The following TMEM135 variants were observed in gnomAD, a reference collection of about 807,000 sequenced individuals.
The protein encoded by TMEM135 is peroxisomal membrane protein 52.
In TMEM135, 30 loss-of-function variants were observed where a neutral mutation model predicts 60.3. The observed-to-expected ratio is 0.50, with a 90% CI of 0.37 to 0.68. The LOEUF is 0.68. TMEM135 is among the 30% of genes least tolerant of loss of function. The pLI is 0.00. For missense variants in TMEM135, 468 were observed against 548.8 expected (o/e 0.85, Z 1.47); for synonymous variants, 190 against 186.7 (o/e 1.02, Z -0.14).
At chr11:87,149,966 C>T (rs1048587412) in intron 4 of TMEM135, among the ~76,000 whole-genome samples, 1 of 151,972 alleles carries the variant, frequency 6.6e-6, no homozygotes, top group African/African-American at 2.4e-5. Context: ...CCTGTAATCC[C>T]AGCACTTTGG....
chr11:87,188,060 T>C (rs762752472), intron 5 of TMEM135, among the ~76,000 whole-genome samples: 2 of 152,004 alleles, frequency 1.3e-5, no homozygotes, highest in Non-Finnish European at 2.9e-5. Context: ...AAGTTCAGTG[T>C]TGAACAATGA....
At chr11:87,093,725 GGTTT>G (rs1565437805) in intron 4 of TMEM135, among the ~76,000 whole-genome samples, 2 of 150,916 alleles carry the variant, frequency 1.3e-5, no homozygotes, top group Non-Finnish European at 2.9e-5. Context: ...GTAGAGACGG[GGTTT>G]CACCATGTTG....
chr11:87,259,104 C>T (rs1040006371), intron 6 of TMEM135: 10 of 936,982 alleles, frequency 1.1e-5, no homozygotes. Flanking sequence ...AGACCGGACC[C>T]TCTTCGGAAA....
At chr11:87,267,693 G>A (rs939264157) in intron 6 of TMEM135, among the ~76,000 whole-genome samples, 6 of 146,564 alleles carry the variant, frequency 4.1e-5, no homozygotes, top group African/African-American at 1.3e-4. Flanking sequence ...TAAATGTCAT[G>A]ATCAGTATTC....
At chr11:87,267,656 T>C (rs774974905) in intron 6 of TMEM135, among the ~76,000 whole-genome samples, 5 of 152,198 alleles carry the variant, frequency 3.3e-5, no homozygotes, top group Admixed American at 6.5e-5. Context: ...ATACGTGATA[T>C]ACATTTCAAA....
chr11:87,246,347 G>T (rs1053304326), intron 6 of TMEM135, among the ~76,000 whole-genome samples: 1 of 150,124 alleles, frequency 6.7e-6, no homozygotes, highest in Non-Finnish European at 1.5e-5. Context: ...TGCTCTTCTC[G>T]AGGAGTATCT....
intron 5 of TMEM135, among the ~76,000 whole-genome samples, chr11:87,214,688 C>T (rs1476588074): frequency 6.6e-6 from 1 of 151,960 alleles, no homozygotes; most frequent in East Asian, 1.9e-4. Flanking sequence ...AGCTTTTTCC[C>T]CCTATATTAC....
intron 3 of TMEM135, among the ~76,000 whole-genome samples, chr11:87,088,725 A>T (rs1029503834): frequency 1.3e-5 from 2 of 152,180 alleles, no homozygotes; most frequent in South Asian, 4.1e-4. Flanking sequence ...GATATTAGAA[A>T]CCTGCATTTA....
chr11:87,151,847 C>G (rs10898613), intron 4 of TMEM135, among the ~76,000 whole-genome samples: 1 of 152,014 alleles, frequency 6.6e-6, no homozygotes, highest in South Asian at 2.1e-4. Context: ...GCCTAACATT[C>G]GCTGTGTATG....
intron 4 of TMEM135, among the ~76,000 whole-genome samples, chr11:87,116,223 A>G (rs2032346676): frequency 6.6e-6 from 1 of 152,164 alleles, no homozygotes; most frequent in South Asian, 2.1e-4. Flanking sequence ...CATTTTCTAG[A>G]TCTGGAATTG....
chr11:87,084,930 C>T (rs374754159), intron 3 of TMEM135, among the ~76,000 whole-genome samples: 21 of 152,272 alleles, frequency 1.4e-4, no homozygotes, highest in African/African-American at 3.9e-4. Flanking sequence ...TGGGCACCTC[C>T]CCCTCTCCAT....
chr11:87,046,964 A>G (rs1949801780), intron 1 of TMEM135, among the ~76,000 whole-genome samples: 2 of 152,206 alleles, frequency 1.3e-5, no homozygotes, highest in East Asian at 3.9e-4. Context: ...CAGTGTCCTC[A>G]TCTATAAAAT....
intron 6 of TMEM135, among the ~76,000 whole-genome samples, chr11:87,255,535 G>C (rs951803470): frequency 6.6e-6 from 1 of 152,168 alleles, no homozygotes; most frequent in Non-Finnish European, 1.5e-5. Context: ...TTACACAGGA[G>C]GCTGAGAAAG....
At chr11:87,104,030 T>C (rs1857531102) in intron 4 of TMEM135, among the ~76,000 whole-genome samples, 1 of 152,218 alleles carries the variant, frequency 6.6e-6, no homozygotes, top group Non-Finnish European at 1.5e-5. Flanking sequence ...ATGAAGCTTT[T>C]GCCCTATATT....
chr11:87,069,472 A>G (rs1856734228), intron 2 of TMEM135, among the ~76,000 whole-genome samples: 1 of 152,148 alleles, frequency 6.6e-6, no homozygotes, highest in Admixed American at 6.5e-5. Flanking sequence ...GTTGAGGGTC[A>G]GGGTGGAATT....
chr11:87,286,734 G>C (rs1942174256), intron 6 of TMEM135, among the ~76,000 whole-genome samples: 1 of 152,188 alleles, frequency 6.6e-6, no homozygotes, highest in Non-Finnish European at 1.5e-5. Context: ...AGGCATCCTG[G>C]TTCCTTTTTG....
chr11:87,250,158 G>A (rs981226773), intron 6 of TMEM135, among the ~76,000 whole-genome samples: 17 of 151,952 alleles, frequency 1.1e-4, no homozygotes, highest in Admixed American at 6.6e-5. Flanking sequence ...TACATGAATC[G>A]CACTGTCTCC....
At chr11:87,058,326 TTTA>T (rs34161815) in intron 1 of TMEM135, among the ~76,000 whole-genome samples, 6 of 150,904 alleles carry the variant, frequency 4.0e-5, no homozygotes, top group Admixed American at 1.3e-4. Context: ...TTCTGCCTCC[TTTA>T]TTATTATTAT....
intron 4 of TMEM135, among the ~76,000 whole-genome samples, chr11:87,128,543 G>C (rs527878918): frequency 6.6e-6 from 1 of 152,074 alleles, no homozygotes; most frequent in East Asian, 1.9e-4. Context: ...GTAAATATTT[G>C]TTGAACAAAT....
Sources: allele counts gnomAD v4.1 joint callset (sites outside exome capture counted in the v4.1 genomes callset), GRCh38; gene constraint gnomAD v4.1.1; transcripts MANE v1.5; gene names NCBI Gene and HGNC (gene_info 2026-07-23, HGNC 2026-07-21).